Variants in TBC1D16 observed in about 807,000 individuals in gnomAD.
TBC1D16 encodes TBC1 domain family member 16, also known as CTD-2529O21.1.
A neutral mutation model predicts 74.7 loss-of-function variants in TBC1D16; 58 were observed. The ratio of observed to expected loss-of-function variants is 0.78; its 90% CI spans 0.63 to 0.97. TBC1D16 has a LOEUF of 0.97. Among genes scored for constraint, TBC1D16 ranks in the 50% least tolerant of loss-of-function variants. TBC1D16 has a pLI of 0.00. For synonymous variants in TBC1D16, 493 were observed against 474.7 expected (o/e 1.04, Z -0.50); for missense variants, 1,014 against 1,079.5 (o/e 0.94, Z 0.85).
chr17:79,965,462 G>T (rs1397006930), intron 3 of TBC1D16, among the ~76,000 whole-genome samples: 1 of 152,286 alleles, frequency 6.6e-6, no homozygotes, highest in African/African-American at 2.4e-5. Context: ...AAAGAAAAAG[G>T]TGAGGCAAAA....
At chr17:79,991,412 A>G (rs1294012822) in intron 3 of TBC1D16, among the ~76,000 whole-genome samples, 2 of 152,058 alleles carry the variant, frequency 1.3e-5, no homozygotes, top group African/African-American at 4.8e-5. Context: ...CCACCTCTCC[A>G]CCCACCAGAC....
chr17:79,956,330 C>T lies in TBC1D16; in HGVS notation c.780-3512G>A, dbSNP rs1239423141. Among the ~76,000 whole-genome samples the T allele has an allele frequency of 6.6e-6, 1 of 152,180 alleles. No individual in the cohort carries two copies. The highest frequency in any genetic ancestry group is 2.4e-5 in the African/African-American group (1 of 41,448). ...GTGCGGTGGTGCAAACACAACTCAC[C>T]GCAGCCTCAGCCTCCGGGGCTCAAG... is the stretch of plus-strand genomic sequence containing the variant. On this transcript the variant is annotated intron_variant, in intron 3 of 11. Transcript: ENST00000310924. The surrounding 1 kb of genome is among the most constrained non-coding windows in gnomAD (Gnocchi z 4.0).
chr17:79,946,886 C>T (rs2032588309), intron 9 of TBC1D16, among the ~76,000 whole-genome samples: 1 of 152,222 alleles, frequency 6.6e-6, no homozygotes, highest in African/African-American at 2.4e-5. Flanking sequence ...CACAGTGCTC[C>T]CCGACACCCA....
Position 79,986,652 on chromosome 17 carries a change from C to A in TBC1D16, c.779+23508G>T, listed in dbSNP as rs1215708930. ...GACCAGTACCCGCAGCACCCGAGTT[C>A]TTTGCCTCTTATTAAAGGGCAGAGC... On this transcript the variant is annotated intron_variant, in intron 3 of 11. Coordinates refer to ENST00000310924, the MANE Select transcript of TBC1D16 (RefSeq NM_019020.4). The surrounding 1 kb of genome is among the most constrained non-coding windows in gnomAD (Gnocchi z 6.0). Among the ~76,000 whole-genome samples, 1 of 152,214 alleles carries A rather than the reference C, an allele frequency of 6.6e-6. No homozygotes were observed. Among genetic ancestry groups the A allele is most frequent in the East Asian group, 1.9e-4 (1 of 5,196 alleles).
Position 79,940,573 on chromosome 17 carries a change from G to T in TBC1D16, c.*286C>A, listed in dbSNP as rs1280271467. On this transcript the variant is annotated 3_prime_UTR_variant, in exon 12 of 12. Transcript: ENST00000310924. The surrounding 1 kb of genome is among the most constrained non-coding windows in gnomAD (Gnocchi z 5.4). ...GGACATGTTGAAATCCTCCAGGGCA[G>T]CCAGCAGGAGAGCCCAGCCAGCCTG... is the stretch of plus-strand genomic sequence containing the variant. 2 of 313,214 alleles carry T rather than the reference G, an allele frequency of 6.4e-6. No homozygotes were observed. The highest frequency in any genetic ancestry group is 1.2e-5 in the Non-Finnish European group (2 of 171,184). The allele number at this position is 313,214 out of a possible 1,614,324, so 19.4% of individuals were successfully genotyped here. A position where few individuals can be genotyped will look rare whatever the true frequency, so the allele number is the denominator to read the frequency against.
chr17:79,942,458 T>C (rs1598310938), intron 10 of TBC1D16, among the ~76,000 whole-genome samples: 1 of 143,002 alleles, frequency 7.0e-6, no homozygotes, highest in East Asian at 2.2e-4. Flanking sequence ...GGGACGATGC[T>C]GAGCTCAGCC....
chr17:80,012,395 ACAGCCGCAGCCAAC>A (rs2035928871), intron 2 of TBC1D16, among the ~76,000 whole-genome samples: 1 of 152,148 alleles, frequency 6.6e-6, no homozygotes. Flanking sequence ...CCCTGCCCAC[ACAGCCGCAGCCAAC>A]CAGCCGGTGG....
rs778590959 is a variant in TBC1D16, at chr17:79,987,444, G to A, written c.779+22716C>T. 6.6e-6 allele frequency among the ~76,000 whole-genome samples: 1 copy of A among 151,836 alleles called. No individual in the cohort carries two copies. The highest frequency in any genetic ancestry group is 1.5e-5 in the Non-Finnish European group (1 of 67,966). ...TTATTTTTTATAGAGATGGGGTCTC[G>A]CTATGTTGTCCAGGCTGATCTTGAA... On this transcript the variant is annotated intron_variant, in intron 3 of 11. Coordinates refer to ENST00000310924, the MANE Select transcript of TBC1D16 (RefSeq NM_019020.4). The surrounding 1 kb of genome is among the most constrained non-coding windows in gnomAD (Gnocchi z 5.2).
intron 10 of TBC1D16, chr17:79,943,775 A>G (rs2032254802): frequency 8.3e-7 from 1 of 1,211,248 alleles, no homozygotes; most frequent in Non-Finnish European, 1.0e-6. Context: ...TCCATGGGAA[A>G]GGGACCCATC....
intron 10 of TBC1D16, 75 bp from the exon 11 acceptor site, chr17:79,942,281 C>T (rs2032086777): frequency 3.4e-6 from 5 of 1,477,764 alleles, no homozygotes; most frequent in Non-Finnish European, 3.7e-6. Flanking sequence ...AAACTGAGTG[C>T]CAGGGTGCGA....
Position 79,941,112 on chromosome 17 carries a change from A to G in TBC1D16, c.2056-5T>C. On this transcript the variant is annotated splice_region_variant and splice_polypyrimidine_tract_variant and intron_variant, in intron 11 of 11. Coordinates refer to ENST00000310924, the MANE Select transcript of TBC1D16 (RefSeq NM_019020.4). The surrounding 1 kb of genome is among the most constrained non-coding windows in gnomAD (Gnocchi z 4.3). Reference sequence around the variant, plus strand: ...CTGGTACAGCAAACTCCTCGCCTGCAGACAGAGGACGGGGGGTGAGGAGGG... The same window carrying G: ...CTGGTACAGCAAACTCCTCGCCTGCGGACAGAGGACGGGGGGTGAGGAGGG... The G allele has an allele frequency of 6.4e-7, 1 of 1,564,864 alleles. No homozygotes were observed. Among genetic ancestry groups the G allele is most frequent in the Non-Finnish European group, 8.7e-7 (1 of 1,150,686 alleles).
At chr17:79,964,267 T>C (rs754170879) in intron 3 of TBC1D16, among the ~76,000 whole-genome samples, 12 of 152,314 alleles carry the variant, frequency 7.9e-5, no homozygotes, top group Non-Finnish European at 1.8e-4. Flanking sequence ...TGAGCCACCA[T>C]ATCCGGCCAG....
intron 3 of TBC1D16, chr17:79,992,399 A>C (rs186508984): frequency 6.6e-6 from 1 of 152,286 alleles, no homozygotes; most frequent in East Asian, 1.9e-4. Flanking sequence ...AGGTGAACAC[A>C]CGGAGCCTGG....
At position 79,994,457 on chromosome 17, in the gene TBC1D16, C is replaced by A. The variant is rs2035192462; in HGVS notation, c.779+15703G>T. ...TTTTTTATTGAGACGAAGTCTCACT[C>A]TTGTCCCCCAGGCTGGAGTGCAATG... is the stretch of plus-strand genomic sequence containing the variant. On this transcript the variant is annotated intron_variant, in intron 3 of 11. Transcript: ENST00000310924. The surrounding 1 kb of genome is among the most constrained non-coding windows in gnomAD (Gnocchi z 4.6). Among the ~76,000 whole-genome samples, 1 of 152,226 alleles carries A rather than the reference C, an allele frequency of 6.6e-6. No homozygotes were observed. The highest frequency in any genetic ancestry group is 1.5e-5 in the Non-Finnish European group (1 of 68,040).
In TBC1D16 at chr17:79,944,210, C is replaced by A. The variant is rs889343858; in HGVS notation, c.1908+698G>T. The A allele has an allele frequency of 2.0e-5, 29 of 1,463,900 alleles. No individual in the cohort carries two copies. In the African/African-American group the frequency reaches 3.2e-4, roughly 16 times the overall value. 90.7% of individuals were successfully genotyped at this position (1,463,900 alleles called of 1,614,324 possible). A position where few individuals can be genotyped will look rare whatever the true frequency, so the allele number is the denominator to read the frequency against. On this transcript the variant is annotated intron_variant, in intron 10 of 11. Transcript: ENST00000310924. The surrounding 1 kb of genome is among the most constrained non-coding windows in gnomAD (Gnocchi z 7.7). ...TCTCTGACGGAGGCTGCTGGAGCTG[C>A]CGTGGTGGATAGAGCCAGCTCCTGC...
intron 7 of TBC1D16, 127 bp downstream of exon 7, chr17:79,949,590 C>A: frequency 8.0e-7 from 1 of 1,250,536 alleles, no homozygotes; most frequent in South Asian, 1.4e-5. Context: ...CTGGGAGACC[C>A]ATTTTTGAAA....
At position 79,940,557 on chromosome 17, in the gene TBC1D16, G is replaced by C. The variant is rs2031884965; in HGVS notation, c.*302C>G. The C allele has an allele frequency of 3.6e-6, 1 of 280,158 alleles. No individual in the cohort carries two copies. The highest frequency in any genetic ancestry group is 6.7e-6 in the Non-Finnish European group (1 of 150,002). The allele number at this position is 280,158 out of a possible 1,614,324, so 17.4% of individuals were successfully genotyped here. On this transcript the variant is annotated 3_prime_UTR_variant, in exon 12 of 12. Transcript: ENST00000310924. The surrounding 1 kb of genome is among the most constrained non-coding windows in gnomAD (Gnocchi z 5.4). ...GGTGGAGCAAATCCTGGGACATGTT[G>C]AAATCCTCCAGGGCAGCCAGCAGGA...
rs1354998779 is a variant in TBC1D16, at chr17:79,988,238, C to T, written c.779+21922G>A. Among the ~76,000 whole-genome samples, 3 of 152,166 alleles carry T rather than the reference C, an allele frequency of 2.0e-5. No individual in the cohort carries two copies. The highest frequency in any genetic ancestry group is 6.5e-5 in the Admixed American group (1 of 15,280). On this transcript the variant is annotated intron_variant, in intron 3 of 11. Coordinates refer to ENST00000310924, the MANE Select transcript of TBC1D16 (RefSeq NM_019020.4). This position sits in a 1 kb window ranked among gnomAD's most constrained non-coding sequence, Gnocchi z 5.7. ...GCCACCAGCCAGGGCCGTGGCTCCT[C>T]GGCAAGTGGGCGTCCGCCGAGCCTT...
Position 80,016,937 on chromosome 17 carries a change from C to T in TBC1D16, c.-62-3328G>A, listed in dbSNP as rs190023040. Among the ~76,000 whole-genome samples the T allele has an allele frequency of 1.4e-3, 215 of 152,282 alleles. 2 individuals carry two copies. The highest frequency in any genetic ancestry group is 5.0e-3 in the African/African-American group (208 of 41,554). On this transcript the variant is annotated intron_variant, in intron 1 of 11. Coordinates refer to ENST00000310924, the MANE Select transcript of TBC1D16 (RefSeq NM_019020.4). ...CCCCATCTCCCCATCTCAGAGATCCCGACGTCAACATCACTTGTGAAAATC... is the reference window on the plus strand; with the variant it reads ...CCCCATCTCCCCATCTCAGAGATCCTGACGTCAACATCACTTGTGAAAATC...
Sources: allele counts gnomAD v4.1 joint callset (sites outside exome capture counted in the v4.1 genomes callset), GRCh38; gene constraint gnomAD v4.1.1; non-coding constraint Gnocchi (gnomAD v3.1); transcripts MANE v1.5; gene names NCBI Gene and HGNC (gene_info 2026-07-23, HGNC 2026-07-21).